Variants in SLC25A21 observed in about 807,000 individuals in gnomAD.
SLC25A21 encodes solute carrier family 25 member 21, also known as mitochondrial 2-oxodicarboxylate carrier.
A neutral mutation model predicts 43.8 loss-of-function variants in SLC25A21; 47 were observed. That is an observed-to-expected ratio of 1.07 (90% confidence interval 0.85 to 1.37). The LOEUF (loss-of-function observed/expected upper bound fraction) is 1.37, where lower values mean the gene tolerates loss of function less well. Among genes scored for constraint, SLC25A21 ranks in the 40% most tolerant of loss-of-function variants. The pLI is 0.00. For synonymous variants in SLC25A21, 131 were observed against 121.3 expected (o/e 1.08, Z -0.52); for missense variants, 352 against 350.2 (o/e 1.00, Z -0.04).
At chr14:36,796,781 T>C (rs79320074) in intron 3 of SLC25A21, among the ~76,000 whole-genome samples, 2,982 of 152,276 alleles carry the variant, frequency 0.02, 81 homozygotes, top group African/African-American at 0.067. Flanking sequence ...GTGATGAAAT[T>C]GAAAACTGAG....
intron 3 of SLC25A21, among the ~76,000 whole-genome samples, chr14:36,756,116 C>T (rs1275700015): frequency 3.3e-5 from 5 of 152,166 alleles, no homozygotes; most frequent in Admixed American, 3.3e-4. Flanking sequence ...TTCTCATTTG[C>T]CTTGGGAGTC....
At chr14:36,916,348 A>C (rs1891831955) in intron 1 of SLC25A21, among the ~76,000 whole-genome samples, 1 of 152,152 alleles carries the variant, frequency 6.6e-6, no homozygotes, top group African/African-American at 2.4e-5. Context: ...AAACTAATTT[A>C]TTTTAGACCT....
intron 1 of SLC25A21, among the ~76,000 whole-genome samples, chr14:36,950,644 T>C (rs186677223): frequency 6.6e-6 from 1 of 152,288 alleles, no homozygotes; most frequent in African/African-American, 2.4e-5. Flanking sequence ...CTATTATGTT[T>C]AGGAGATGCA....
intron 1 of SLC25A21, among the ~76,000 whole-genome samples, chr14:37,051,883 T>C (rs368801488): frequency 9.2e-5 from 14 of 152,240 alleles, no homozygotes; most frequent in East Asian, 7.7e-4. Flanking sequence ...TGAACTTAAC[T>C]GGAAGCCAGA....
intron 1 of SLC25A21, among the ~76,000 whole-genome samples, chr14:37,120,121 T>G (rs2138889591): frequency 6.6e-6 from 1 of 152,294 alleles, no homozygotes; most frequent in Non-Finnish European, 1.5e-5. Flanking sequence ...ATTTAATAAT[T>G]CAAAACGTCA....
chr14:37,073,245 A>G (rs1962210578), intron 1 of SLC25A21, among the ~76,000 whole-genome samples: 1 of 152,246 alleles, frequency 6.6e-6, no homozygotes, highest in Non-Finnish European at 1.5e-5. Flanking sequence ...CCTTGTTAGA[A>G]TAACTCTTAG....
intron 7 of SLC25A21, among the ~76,000 whole-genome samples, chr14:36,692,217 G>A (rs549392852): frequency 6.6e-6 from 1 of 152,150 alleles, no homozygotes; most frequent in African/African-American, 2.4e-5. Context: ...AGATCAATGA[G>A]TTTCTCTGAC....
intron 1 of SLC25A21, among the ~76,000 whole-genome samples, chr14:37,156,276 A>G (rs1158482263): frequency 5.9e-5 from 9 of 152,040 alleles, no homozygotes; most frequent in African/African-American, 1.7e-4. Context: ...AACCGCAATG[A>G]CAAATAATAA....
intron 1 of SLC25A21, among the ~76,000 whole-genome samples, chr14:36,891,019 G>C (rs931116648): frequency 4.6e-5 from 7 of 152,100 alleles, no homozygotes; most frequent in Non-Finnish European, 7.4e-5. Context: ...ACTTGTAATC[G>C]ACAGTATTAA....
intron 1 of SLC25A21, among the ~76,000 whole-genome samples, chr14:37,099,505 C>G (rs1962775571): frequency 6.6e-6 from 1 of 152,068 alleles, no homozygotes; most frequent in African/African-American, 2.4e-5. Flanking sequence ...ATGTAGTAGT[C>G]AAAAATGGAA....
chr14:36,683,859 G>A lies in SLC25A21; in HGVS notation c.807C>T (p.Gly269=), dbSNP rs777856187. The change falls in exon 9 of 10, where the codon GGC becomes GGT. Residue 269 remains glycine (G), a synonymous_variant. Transcript: ENST00000331299. ...CAAGTCTCATAATCTTGGGAAGCAG[G>A]CCTTTGTACAAAGCTAAAATCCTGT... ...QEEGILALYK[G]LLPKIMRLGP... 6.2e-7 allele frequency: 1 copy of A among 1,606,598 alleles called. No individual in the cohort carries two copies. The highest frequency in any genetic ancestry group is 8.5e-7 in the Non-Finnish European group (1 of 1,176,094).
intron 1 of SLC25A21, among the ~76,000 whole-genome samples, chr14:37,147,612 T>C (rs1963687454): frequency 6.7e-6 from 1 of 148,448 alleles, no homozygotes; most frequent in Non-Finnish European, 1.5e-5. Context: ...CTGCCATTAC[T>C]GGTATTTCAC....
rs1960696419 is a variant in SLC25A21, at chr14:37,010,034, T to C, written c.71-135030A>G. On this transcript the variant is annotated intron_variant, in intron 1 of 9. Coordinates refer to ENST00000331299, the MANE Select transcript of SLC25A21 (RefSeq NM_030631.4). ...GAGTCAGAATATCTGCTTCAAATTA[T>C]ACTGTGCTATTTATTACCCGTGACC... is the stretch of plus-strand genomic sequence containing the variant. Among the ~76,000 whole-genome samples, 3 of 152,224 alleles carry C rather than the reference T, an allele frequency of 2.0e-5. 1 individual carries two copies. Among genetic ancestry groups the C allele is most frequent in the South Asian group, 4.1e-4 (2 of 4,832 alleles).
intron 1 of SLC25A21, among the ~76,000 whole-genome samples, chr14:37,073,289 T>A (rs550134363): frequency 1.4e-3 from 219 of 152,322 alleles, no homozygotes; most frequent in Non-Finnish European, 2.4e-3. Context: ...TTTTCACAGT[T>A]CCCTATTCTT....
chr14:37,074,057 G>A (rs745977993), intron 1 of SLC25A21, among the ~76,000 whole-genome samples: 1 of 151,942 alleles, frequency 6.6e-6, no homozygotes, highest in Non-Finnish European at 1.5e-5. Flanking sequence ...AATGATGTTC[G>A]TCTCTGTTCA....
At chr14:36,761,544 G>T (rs931077020) in intron 3 of SLC25A21, among the ~76,000 whole-genome samples, 8 of 152,184 alleles carry the variant, frequency 5.3e-5, no homozygotes, top group African/African-American at 1.9e-4. Flanking sequence ...TTTCCACAGA[G>T]GATCATAGAC....
At chr14:37,130,972 C>T (rs1011999604) in intron 1 of SLC25A21, among the ~76,000 whole-genome samples, 1 of 152,090 alleles carries the variant, frequency 6.6e-6, no homozygotes, top group South Asian at 2.1e-4. Context: ...AACAAAAAGC[C>T]AAAGTTAAAT....
Position 36,762,287 on chromosome 14 carries a change from C to T in SLC25A21, c.204-27714G>A, listed in dbSNP as rs115985457. Among the ~76,000 whole-genome samples the T allele has an allele frequency of 1.9e-3, 293 of 152,322 alleles. 3 individuals are homozygous for T. Among genetic ancestry groups the T allele is most frequent in the African/African-American group, 6.7e-3 (278 of 41,582 alleles). ...TATATATTATCTCATTGAATTCTCA[C>T]GATCACCCCAAGGAAGAGTTTCCTG... On this transcript the variant is annotated intron_variant, in intron 3 of 9. Coordinates refer to ENST00000331299, the MANE Select transcript of SLC25A21 (RefSeq NM_030631.4).
chr14:36,736,049 C>T (rs976126167), intron 3 of SLC25A21, among the ~76,000 whole-genome samples: 7 of 150,354 alleles, frequency 4.7e-5, no homozygotes, highest in Non-Finnish European at 1.0e-4. Context: ...CATTCTCCTG[C>T]CTCAGCCTCC....
Sources: gnomAD v4.1 joint callset for allele counts (sites outside exome capture counted in the v4.1 genomes callset) on GRCh38, gnomAD v4.1.1 for gene constraint, MANE v1.5 for transcripts, NCBI Gene and HGNC (gene_info 2026-07-23, HGNC 2026-07-21) for gene names.